RGPD8: variants seen among roughly 807,000 people sequenced by gnomAD.
RGPD8 encodes RANBP2 like and GRIP domain containing 8.
A neutral mutation model predicts 89.1 loss-of-function variants in RGPD8; 15 were observed. That is an observed-to-expected ratio of 0.17 (90% CI 0.11 to 0.26). The LOEUF (loss-of-function observed/expected upper bound fraction) is 0.26, where lower values mean the gene tolerates loss of function less well. RGPD8 is among the 10% of genes least tolerant of loss of function. The pLI is 1.00. For synonymous variants in RGPD8, 62 were observed against 420.9 expected (o/e 0.15, Z 10.44); for missense variants, 178 against 1,179.6 (o/e 0.15, Z 12.44).
chr2:112,387,341 T>TG (rs1269212264), intron 20 of RGPD8, among the ~76,000 whole-genome samples: 1 of 115,942 alleles, frequency 8.6e-6, no homozygotes, highest in East Asian at 2.2e-4. Context: ...CTCAATATCA[T>TG]GTTTTTTTTT....
intron 7 of RGPD8, among the ~76,000 whole-genome samples, chr2:112,410,800 T>G (rs1195166182): frequency 1.3e-5 from 2 of 152,158 alleles, no homozygotes; most frequent in East Asian, 3.8e-4. Context: ...AAGATTTATA[T>G]TAGGCAGGGC....
At chr2:112,425,557 C>A (rs1402073476) in intron 1 of RGPD8, among the ~76,000 whole-genome samples, 2 of 151,578 alleles carry the variant, frequency 1.3e-5, no homozygotes, top group Non-Finnish European at 2.9e-5. Context: ...GCCAAGAGTT[C>A]GAGACCAGCC....
chr2:112,370,360 T>TC (rs1677926128), intron 22 of RGPD8, 148 bp from the exon 23 acceptor site: 1 of 90,648 alleles, frequency 1.1e-5, no homozygotes, highest in Non-Finnish European at 2.1e-5. Context: ...GGGGGGGGGG[T>TC]TCTTTTTTTT....
chr2:112,410,995 C>T (rs541287402), intron 7 of RGPD8, among the ~76,000 whole-genome samples: 1 of 151,870 alleles, frequency 6.6e-6, no homozygotes, highest in Non-Finnish European at 1.5e-5. Context: ...TGAAGCAGGA[C>T]AATCGCTTGA....
intron 1 of RGPD8, among the ~76,000 whole-genome samples, chr2:112,431,860 G>A (rs1023074780): frequency 1.3e-5 from 2 of 152,142 alleles, no homozygotes; most frequent in African/African-American, 4.8e-5. Context: ...GGCTGGTCTC[G>A]AACTCCTGAC....
intron 1 of RGPD8, among the ~76,000 whole-genome samples, chr2:112,424,786 G>C (rs1574022596): frequency 6.6e-6 from 1 of 151,746 alleles, no homozygotes; most frequent in East Asian, 1.9e-4. Flanking sequence ...GCTGGGTGCA[G>C]TTGGTCACAC....
rs1679673459 is a variant in RGPD8, at chr2:112,424,455, C to T, written c.73-148G>A. 2.9e-6 allele frequency: 3 copies of T among 1,019,082 alleles called. No individual in the cohort carries two copies. In the South Asian group the frequency reaches 4.9e-5, roughly 17 times the overall value. 63.1% of individuals were successfully genotyped at this position (1,019,082 alleles called of 1,614,324 possible). A position where few individuals can be genotyped will look rare whatever the true frequency, so the allele number is the denominator to read the frequency against. ...AAAAATAGAGCTGGGTGCAGCGGCTCATGCCTGTAATCCCAGCACTTTGGG... is the reference window on the plus strand; with the variant it reads ...AAAAATAGAGCTGGGTGCAGCGGCTTATGCCTGTAATCCCAGCACTTTGGG... On this transcript the variant is annotated intron_variant, in intron 1 of 22. Coordinates refer to ENST00000302558, the MANE Select transcript of RGPD8 (RefSeq NM_001164463.1).
At chr2:112,429,814 T>C (rs1278158574) in intron 1 of RGPD8, among the ~76,000 whole-genome samples, 3 of 152,176 alleles carry the variant, frequency 2.0e-5, no homozygotes. Flanking sequence ...TTTTTTCCTT[T>C]TTTCTTTTTT....
At chr2:112,429,394 C>T (rs1293194483) in intron 1 of RGPD8, among the ~76,000 whole-genome samples, 5 of 110,872 alleles carry the variant, frequency 4.5e-5, no homozygotes, top group Admixed American at 1.4e-4. Flanking sequence ...CCAGCCTGGA[C>T]GATAGAGCCA....
chr2:112,427,683 C>A (rs533690039), intron 1 of RGPD8, among the ~76,000 whole-genome samples: 14 of 152,358 alleles, frequency 9.2e-5, no homozygotes, highest in African/African-American at 3.1e-4. Flanking sequence ...CGGAGTCTCA[C>A]CCTGTCGCCC....
chr2:112,372,917 CT>C (rs1374137520), intron 22 of RGPD8, among the ~76,000 whole-genome samples: 6 of 117,618 alleles, frequency 5.1e-5, no homozygotes, highest in African/African-American at 1.2e-4. Flanking sequence ...GGTTGCTGGG[CT>C]TTTTTTCTTT....
chr2:112,417,041 T>C (rs1337610971), intron 6 of RGPD8, among the ~76,000 whole-genome samples, 152 bp downstream of exon 6: 3 of 148,646 alleles, frequency 2.0e-5, no homozygotes, highest in Middle Eastern at 3.2e-3. Flanking sequence ...AGAAGAAAAA[T>C]AAGATTGCCT....
rs1442064716 is a variant in RGPD8, at chr2:112,422,040, C to T, written c.325G>A (p.Val109Ile). The change falls in exon 4 of 23, where the codon GTT becomes ATT. Residue 109 changes from valine (V) to isoleucine (I), a missense_variant. Coordinates refer to ENST00000302558, the MANE Select transcript of RGPD8 (RefSeq NM_001164463.1). Reference sequence around the variant, plus strand: ...CAGTATTTTGCTCTTCCATCAGTAACATCATTTTTACAAAGCAATTCTGCA... The same window carrying T: ...CAGTATTTTGCTCTTCCATCAGTAATATCATTTTTACAAAGCAATTCTGCA... ...KIAELLCKND[V>I]TDGRAKYWVE... 1 of 90,136 alleles carries T rather than the reference C, an allele frequency of 1.1e-5. No individual in the cohort carries two copies. The allele number at this position is 90,136 out of a possible 1,614,324, so 5.6% of individuals were successfully genotyped here.
At chr2:112,371,688 A>G (rs1252146450) in intron 22 of RGPD8, among the ~76,000 whole-genome samples, 1 of 67,550 alleles carries the variant, frequency 1.5e-5, no homozygotes, top group African/African-American at 6.2e-5. Flanking sequence ...TAAAGTGCAT[A>G]ATTCACTGGT....
At chr2:112,426,012 G>T (rs1235674632) in intron 1 of RGPD8, among the ~76,000 whole-genome samples, 1 of 151,886 alleles carries the variant, frequency 6.6e-6, no homozygotes, top group Non-Finnish European at 1.5e-5. Flanking sequence ...GCAGTTTGGG[G>T]TGTCACAACA....
Position 112,389,316 on chromosome 2 carries a change from T to G in RGPD8, c.3629A>C (p.Asn1210Thr), listed in dbSNP as rs1434627598. The change falls in exon 20 of 23, where the codon AAT becomes ACT. Residue 1210 changes from asparagine to threonine, a missense_variant. By Grantham distance (65) the Asn-to-Thr change is moderately conservative (BLOSUM62 0). Transcript: ENST00000302558. Reference sequence around the variant, plus strand: ...TTCCTCAGTGACTTTTGTTTGATCATTTGTCAAAAATGTTTTGAAATCTTT... The same window carrying G: ...TTCCTCAGTGACTTTTGTTTGATCAGTTGTCAAAAATGTTTTGAAATCTTT... ...GLKDFKTFLT[N>T]DQTKVTEEEN... 6.2e-7 allele frequency: 1 copy of G among 1,604,374 alleles called. No individual in the cohort carries two copies. The highest frequency in any genetic ancestry group is 8.5e-7 in the Non-Finnish European group (1 of 1,175,972).
At chr2:112,423,836 G>C (rs1679644311) in intron 2 of RGPD8, among the ~76,000 whole-genome samples, 1 of 152,236 alleles carries the variant, frequency 6.6e-6, no homozygotes, top group African/African-American at 2.4e-5. Flanking sequence ...GTCAATTAAA[G>C]ATCTTTTATA....
At chr2:112,370,957 AAT>A (rs1261701455) in intron 22 of RGPD8, among the ~76,000 whole-genome samples, 1 of 150,120 alleles carries the variant, frequency 6.7e-6, no homozygotes, top group South Asian at 2.1e-4. Context: ...GTTATGAATC[AAT>A]GTCTGTTCTT....
chr2:112,428,117 A>G (rs1679858084), intron 1 of RGPD8, among the ~76,000 whole-genome samples: 1 of 152,310 alleles, frequency 6.6e-6, no homozygotes, highest in Non-Finnish European at 1.5e-5. Context: ...TCCTAACAAC[A>G]GAACTTCTAG....
Sources: gnomAD v4.1 joint callset for allele counts (sites outside exome capture counted in the v4.1 genomes callset) on GRCh38, gnomAD v4.1.1 for gene constraint, MANE v1.5 for transcripts, NCBI Gene and HGNC (gene_info 2026-07-23, HGNC 2026-07-21) for gene names.